The following PIGU variants were observed in gnomAD, a reference collection of about 807,000 sequenced individuals.
The protein encoded by PIGU is GPI-anchor transamidase component PIGU.
A neutral mutation model predicts 49.9 loss-of-function variants in PIGU; 24 were observed. The observed-to-expected ratio is 0.48, with a 90% confidence interval of 0.35 to 0.68. PIGU has a LOEUF of 0.68. PIGU is among the 30% of genes least tolerant of loss of function. The probability of loss-of-function intolerance (pLI) is 0.01; values close to 1 mark genes in which losing one functional copy is unlikely to be tolerated. For missense variants in PIGU, 490 were observed against 532.6 expected, an observed-to-expected ratio of 0.92 and a Z score of 0.79; for synonymous variants, 220 against 205.7, an observed-to-expected ratio of 1.07 and a Z score of -0.59.
At chr20:34,607,102 G>A (rs1173713945) in intron 7 of PIGU, among the ~76,000 whole-genome samples, 1 of 152,214 alleles carries the variant, frequency 6.6e-6, no homozygotes, top group Non-Finnish European at 1.5e-5. Flanking sequence ...AGAATCTAGA[G>A]GGTGGGGACT....
At chr20:34,631,030 A>T (rs1861506405) in intron 6 of PIGU, among the ~76,000 whole-genome samples, 1 of 145,820 alleles carries the variant, frequency 6.9e-6, no homozygotes, top group Admixed American at 6.7e-5. Context: ...ACAAACAATT[A>T]AAAAAAAATA....
At chr20:34,562,428 T>C (rs1171492434) in intron 11 of PIGU, 1 of 1,287,790 alleles carries the variant, frequency 7.8e-7, no homozygotes, top group East Asian at 5.5e-5. Context: ...GGGCAGCTTC[T>C]CACTGACCTG....
intron 6 of PIGU, among the ~76,000 whole-genome samples, chr20:34,625,995 T>C (rs1275761026): frequency 1.3e-5 from 2 of 149,560 alleles, no homozygotes; most frequent in African/African-American, 4.9e-5. Context: ...CAATTTTACA[T>C]TGTTTAAAAA....
At chr20:34,645,184 T>C in intron 3 of PIGU, 91 bp downstream of exon 3, 1 of 1,227,694 alleles carries the variant, frequency 8.1e-7, no homozygotes. Context: ...TGAGACCCCA[T>C]CTCAAAAAAA....
Sources: allele counts gnomAD v4.1 joint callset (sites outside exome capture counted in the v4.1 genomes callset), GRCh38; gene constraint gnomAD v4.1.1; transcripts MANE v1.5; gene names NCBI Gene and HGNC (gene_info 2026-07-23, HGNC 2026-07-21).